Variants in SOX5 observed in about 807,000 individuals in gnomAD.
SOX5 encodes transcription factor SOX-5.
Under a neutral mutation model 92.0 loss-of-function variants are expected in SOX5, and 9 were observed. The ratio of observed to expected loss-of-function variants is 0.10; its 90% CI spans 0.06 to 0.17. SOX5 has a LOEUF of 0.17. Among genes scored for constraint, SOX5 ranks in the 10% least tolerant of loss-of-function variants. SOX5 has a pLI of 1.00. For missense variants in SOX5, 642 were observed against 944.5 expected (o/e 0.68, Z 4.20); for synonymous variants, 344 against 336.3 (o/e 1.02, Z -0.25).
intron 1 of SOX5, among the ~76,000 whole-genome samples, chr12:24,456,871 CA>C (rs879853837): frequency 1.3e-5 from 2 of 152,192 alleles, no homozygotes; most frequent in African/African-American, 2.4e-5. Context: ...GTGTGATTAG[CA>C]TTCATGATTT....
Position 23,886,259 on chromosome 12 carries a change from A to C in SOX5, c.270+9534T>G, listed in dbSNP as rs576197012. The stretch of plus-strand genomic sequence containing the variant: ...TATGATTGTCAAAATATGTGAAAAA[A>C]AGAAAATCCAATACTAGACTCCCTT... On this transcript the variant is annotated intron_variant, in intron 2 of 14. Coordinates refer to ENST00000451604, the MANE Select transcript of SOX5 (RefSeq NM_006940.6). Among the ~76,000 whole-genome samples, 32 of 152,332 alleles carry C rather than the reference A, an allele frequency of 2.1e-4. No homozygotes were observed. In the South Asian group the frequency reaches 5.8e-3, roughly 28 times the overall value.
intron 4 of SOX5, among the ~76,000 whole-genome samples, chr12:24,194,893 C>A (rs1490510094): frequency 6.6e-6 from 1 of 152,036 alleles, no homozygotes; most frequent in Non-Finnish European, 1.5e-5. Context: ...TTGGATTAAT[C>A]AATACAATTA....
At chr12:24,023,433 G>A (rs949934882) in intron 4 of SOX5, among the ~76,000 whole-genome samples, 1 of 152,104 alleles carries the variant, frequency 6.6e-6, no homozygotes, top group Non-Finnish European at 1.5e-5. Context: ...GTAATAAAAT[G>A]TATAATTATC....
chr12:23,814,088 G>T, intron 3 of SOX5, among the ~76,000 whole-genome samples: 1 of 151,756 alleles, frequency 6.6e-6, no homozygotes, highest in African/African-American at 2.4e-5. Flanking sequence ...ATGTATTTTG[G>T]CATTCAAAAT....
intron 2 of SOX5, among the ~76,000 whole-genome samples, chr12:24,309,476 T>C (rs1948958940): frequency 6.6e-6 from 1 of 152,184 alleles, no homozygotes; most frequent in South Asian, 2.1e-4. Context: ...GTTGATCTTA[T>C]CAAAACTAGT....
intron 9 of SOX5, among the ~76,000 whole-genome samples, chr12:23,598,522 C>G (rs1338185228): frequency 6.6e-6 from 1 of 151,350 alleles, no homozygotes; most frequent in African/African-American, 2.4e-5. Flanking sequence ...CCTCAGCCTC[C>G]CGAGTAGCTG....
At chr12:24,289,111 T>C (rs1946279398) in intron 2 of SOX5, among the ~76,000 whole-genome samples, 1 of 152,048 alleles carries the variant, frequency 6.6e-6, no homozygotes, top group Admixed American at 6.6e-5. Flanking sequence ...TGAAACCTCC[T>C]CTCTACCAAA....
chr12:23,996,559 A>G (rs1392270237), intron 4 of SOX5, among the ~76,000 whole-genome samples: 1 of 152,208 alleles, frequency 6.6e-6, no homozygotes, highest in Non-Finnish European at 1.5e-5. Context: ...AATAACCCCA[A>G]TATCCATCAG....
At chr12:24,350,386 T>C (rs1953920581) in intron 2 of SOX5, among the ~76,000 whole-genome samples, 1 of 152,188 alleles carries the variant, frequency 6.6e-6, no homozygotes, top group South Asian at 2.1e-4. Flanking sequence ...TGTCTTACTC[T>C]GTCACCCAGG....
At chr12:24,418,449 A>G (rs908188730) in intron 1 of SOX5, among the ~76,000 whole-genome samples, 1 of 152,226 alleles carries the variant, frequency 6.6e-6, no homozygotes, top group Non-Finnish European at 1.5e-5. Context: ...TGGGCCAAGG[A>G]AACAGGAATG....
intron 11 of SOX5, among the ~76,000 whole-genome samples, 163 bp downstream of exon 11, chr12:23,563,095 G>A (rs1375561050): frequency 6.6e-6 from 1 of 152,174 alleles, no homozygotes; most frequent in African/African-American, 2.4e-5. Flanking sequence ...TTTCCAGATG[G>A]TTTTGATTAG....
intron 1 of SOX5, among the ~76,000 whole-genome samples, chr12:24,454,248 A>G (rs572975497): frequency 1.3e-5 from 2 of 152,200 alleles, no homozygotes; most frequent in Non-Finnish European, 2.9e-5. Context: ...TTGAGTTTCT[A>G]TTAAGGTCTG....
Position 23,772,529 on chromosome 12 carries a change from G to A in SOX5, c.482-16805C>T, listed in dbSNP as rs576359553. On this transcript the variant is annotated intron_variant, in intron 3 of 14. Transcript: ENST00000451604. Reference sequence around the variant, plus strand: ...TAAAAGAAAAAGTTCTCTCAAATGCGCAATGAAAACCTTTTATATAGCAGC... The same window carrying A: ...TAAAAGAAAAAGTTCTCTCAAATGCACAATGAAAACCTTTTATATAGCAGC... Among the ~76,000 whole-genome samples, 28 of 152,254 alleles carry A rather than the reference G, an allele frequency of 1.8e-4. No individual in the cohort carries two copies. The South Asian group carries it at 3.5e-3, about 19-fold the overall frequency.
In SOX5 at chr12:23,677,911, T is replaced by G. The variant is rs79167471; in HGVS notation, c.811-12347A>C. Among the ~76,000 whole-genome samples, 541 of 152,306 alleles carry G rather than the reference T, an allele frequency of 3.6e-3. 3 individuals carry two copies. Among genetic ancestry groups the G allele is most frequent in the Middle Eastern group, 6.8e-3 (2 of 294 alleles). On this transcript the variant is annotated intron_variant, in intron 6 of 14. Coordinates refer to ENST00000451604, the MANE Select transcript of SOX5 (RefSeq NM_006940.6). ...CAATTCAACTATATTAGGGCCAAGT[T>G]AATGACTAGTTCCATTCCTTAAGAT... is the stretch of plus-strand genomic sequence containing the variant.
chr12:23,969,705 G>T (rs748620600), intron 4 of SOX5, among the ~76,000 whole-genome samples: 2 of 152,164 alleles, frequency 1.3e-5, no homozygotes, highest in Non-Finnish European at 2.9e-5. Context: ...TACTGTTACA[G>T]CATTAGAGTT....
intron 1 of SOX5, among the ~76,000 whole-genome samples, chr12:24,397,875 A>G (rs1438574209): frequency 1.3e-5 from 2 of 151,528 alleles, no homozygotes; most frequent in African/African-American, 4.8e-5. Flanking sequence ...TTTGAGACAG[A>G]GTCTTGCTGT....
At chr12:23,745,288 G>A (rs2093943509) in intron 4 of SOX5, among the ~76,000 whole-genome samples, 1 of 151,664 alleles carries the variant, frequency 6.6e-6, no homozygotes, top group Non-Finnish European at 1.5e-5. Flanking sequence ...ATGAATTTTT[G>A]TAACAAATTT....
At chr12:23,768,254 C>G (rs781480119) in intron 3 of SOX5, among the ~76,000 whole-genome samples, 12 of 152,136 alleles carry the variant, frequency 7.9e-5, no homozygotes, top group Middle Eastern at 6.8e-3. Context: ...GGTCAGAGAG[C>G]AAGCTTTTAC....
chr12:24,499,754 C>CTT (rs35069628), intron 1 of SOX5, among the ~76,000 whole-genome samples: 11 of 139,482 alleles, frequency 7.9e-5, no homozygotes, highest in African/African-American at 2.6e-4. Context: ...AAAAATCTGC[C>CTT]TTTTTTTTTT....
Sources: gnomAD v4.1 joint callset for allele counts (sites outside exome capture counted in the v4.1 genomes callset) on GRCh38, gnomAD v4.1.1 for gene constraint, MANE v1.5 for transcripts, NCBI Gene and HGNC (gene_info 2026-07-23, HGNC 2026-07-21) for gene names.